Variants in STPG2 observed in about 807,000 individuals in gnomAD.
STPG2 encodes sperm tail PG-rich repeat containing 2, also known as sperm-tail PG-rich repeat-containing protein 2.
Under a neutral mutation model 54.2 loss-of-function variants are expected in STPG2, and 56 were observed. The ratio of observed to expected loss-of-function variants is 1.03; its 90% CI spans 0.83 to 1.29. The LOEUF (loss-of-function observed/expected upper bound fraction) is 1.29, where lower values mean the gene tolerates loss of function less well. Ranked by LOEUF, STPG2 falls within the 50% of genes most tolerant of loss-of-function variation. The probability of loss-of-function intolerance (pLI) is 0.00; values close to 1 mark genes in which losing one functional copy is unlikely to be tolerated. For synonymous variants in STPG2, 200 were observed against 181.8 expected, an observed-to-expected ratio of 1.10 and a Z score of -0.81; for missense variants, 596 against 544.9, an observed-to-expected ratio of 1.09 and a Z score of -0.93.
chr4:97,538,743 G>T (rs1221609307), intron 4 of STPG2, among the ~76,000 whole-genome samples: 1 of 152,170 alleles, frequency 6.6e-6, no homozygotes, highest in Non-Finnish European at 1.5e-5. Flanking sequence ...ATAATTGTCA[G>T]ATTCACCAAA....
intron 10 of STPG2, among the ~76,000 whole-genome samples, chr4:97,578,614 C>A (rs1188312609): frequency 6.8e-6 from 1 of 146,218 alleles, no homozygotes; most frequent in African/African-American, 2.5e-5. Flanking sequence ...TTTTTTTTTG[C>A]CAGAATTATT....
At chr4:97,778,854 A>G (rs192112718) in intron 9 of STPG2, among the ~76,000 whole-genome samples, 2 of 152,300 alleles carry the variant, frequency 1.3e-5, no homozygotes, top group East Asian at 3.9e-4. Flanking sequence ...ACTCCAACAG[A>G]CCTGCAGCTG....
intron 10 of STPG2, among the ~76,000 whole-genome samples, chr4:97,637,734 C>A (rs1048897565): frequency 3.9e-5 from 6 of 152,062 alleles, no homozygotes; most frequent in Admixed American, 1.3e-4. Flanking sequence ...GAGTGAACTC[C>A]CATTCACAAT....
At chr4:97,790,704 T>G (rs1726964492) in intron 9 of STPG2, among the ~76,000 whole-genome samples, 1 of 152,134 alleles carries the variant, frequency 6.6e-6, no homozygotes, top group African/African-American at 2.4e-5. Flanking sequence ...TACTTCCCTC[T>G]TCTGTTGCAT....
At chr4:97,803,680 A>C (rs1460286356) in intron 9 of STPG2, among the ~76,000 whole-genome samples, 2 of 152,164 alleles carry the variant, frequency 1.3e-5, no homozygotes, top group Non-Finnish European at 2.9e-5. Flanking sequence ...AGCTGGGACT[A>C]CAAGTGCGTG....
intron 10 of STPG2, among the ~76,000 whole-genome samples, chr4:97,640,967 C>A (rs1459726656): frequency 6.6e-6 from 1 of 151,474 alleles, no homozygotes; most frequent in African/African-American, 2.4e-5. Context: ...CAAAAGAATA[C>A]AGTTTTATAA....
intron 10 of STPG2, among the ~76,000 whole-genome samples, chr4:97,684,454 G>T (rs544573284): frequency 5.9e-5 from 9 of 151,852 alleles, no homozygotes; most frequent in Admixed American, 1.3e-4. Flanking sequence ...CTGATCTTTG[G>T]CAAGGGAGAA....
intron 8 of STPG2, among the ~76,000 whole-genome samples, chr4:97,859,062 T>G (rs528528789): frequency 3.3e-5 from 5 of 152,256 alleles, no homozygotes; most frequent in African/African-American, 1.2e-4. Context: ...AACATCTACT[T>G]TTAAATTTTT....
intron 5 of STPG2, among the ~76,000 whole-genome samples, chr4:97,994,753 G>C (rs1431703859): frequency 1.3e-5 from 2 of 152,120 alleles, no homozygotes; most frequent in Non-Finnish European, 2.9e-5. Context: ...TTTTTGTTAA[G>C]TGTACTGGTT....
intron 3 of STPG2, among the ~76,000 whole-genome samples, chr4:98,113,620 C>G (rs1179138593): frequency 6.6e-6 from 1 of 151,882 alleles, no homozygotes; most frequent in African/African-American, 2.4e-5. Flanking sequence ...AGCTTTAACA[C>G]TGAGTGATGA....
chr4:98,141,536 A>G (rs1244860762), intron 1 of STPG2, among the ~76,000 whole-genome samples: 2 of 152,220 alleles, frequency 1.3e-5, no homozygotes, highest in African/African-American at 4.8e-5. Flanking sequence ...CCAATTGTCA[A>G]CCAGAAAATG....
At chr4:97,905,021 G>A (rs1263734827) in intron 8 of STPG2, among the ~76,000 whole-genome samples, 1 of 151,994 alleles carries the variant, frequency 6.6e-6, no homozygotes, top group African/African-American at 2.4e-5. Flanking sequence ...AACCAAGTTG[G>A]AAAACACTCT....
intron 7 of STPG2, 36 bp downstream of exon 7, chr4:97,972,244 A>G (rs374926948): frequency 8.7e-6 from 12 of 1,380,694 alleles, no homozygotes; most frequent in Admixed American, 7.6e-5. Flanking sequence ...CTTGATATTC[A>G]ACATAAAGAA....
chr4:97,571,070 T>C (rs1560666754), intron 10 of STPG2, among the ~76,000 whole-genome samples: 1 of 152,056 alleles, frequency 6.6e-6, no homozygotes, highest in Non-Finnish European at 1.5e-5. Context: ...TTTAATATAA[T>C]GCTAAAGTTG....
chr4:97,807,987 C>T (rs981600451), intron 9 of STPG2, among the ~76,000 whole-genome samples: 3 of 151,644 alleles, frequency 2.0e-5, no homozygotes, highest in African/African-American at 7.3e-5. Context: ...ACAATGGAAG[C>T]CAAATATAAT....
intron 4 of STPG2, among the ~76,000 whole-genome samples, chr4:97,534,578 A>T (rs2148855749): frequency 6.6e-6 from 1 of 152,266 alleles, no homozygotes; most frequent in Non-Finnish European, 1.5e-5. Flanking sequence ...GCACAAATCA[A>T]CTATAGGACT....
intron 8 of STPG2, among the ~76,000 whole-genome samples, chr4:97,901,901 T>C (rs1004333992): frequency 6.6e-6 from 1 of 152,004 alleles, no homozygotes; most frequent in African/African-American, 2.4e-5. Flanking sequence ...CAGATCCTTA[T>C]TTCAAATATA....
At chr4:97,791,800 C>T (rs1726999382) in intron 9 of STPG2, among the ~76,000 whole-genome samples, 1 of 151,598 alleles carries the variant, frequency 6.6e-6, no homozygotes. Context: ...TATGATGCAT[C>T]TAGAACCAAG....
chr4:97,836,240 T>G (rs1400034550), intron 9 of STPG2, among the ~76,000 whole-genome samples: 2 of 151,868 alleles, frequency 1.3e-5, no homozygotes, highest in Non-Finnish European at 2.9e-5. Flanking sequence ...TTGTCTTATT[T>G]TAAGAAATTT....
Sources: allele counts gnomAD v4.1 joint callset (sites outside exome capture counted in the v4.1 genomes callset), GRCh38; gene constraint gnomAD v4.1.1; transcripts MANE v1.5; gene names NCBI Gene and HGNC (gene_info 2026-07-23, HGNC 2026-07-21).